KCNB2: variants seen among roughly 807,000 people sequenced by gnomAD.
The protein encoded by KCNB2 is potassium voltage-gated channel subfamily B member 2.
Under a neutral mutation model 61.5 loss-of-function variants are expected in KCNB2, and 15 were observed. The observed-to-expected ratio is 0.24, with a 90% CI of 0.16 to 0.38. KCNB2 has a LOEUF of 0.38. Ranked by LOEUF, KCNB2 falls within the 10% of genes least tolerant of loss-of-function variation. The pLI, the probability that KCNB2 is intolerant of heterozygous loss-of-function variation, is 1.00. For synonymous variants in KCNB2, 457 were observed against 446.0 expected (o/e 1.02, Z -0.31); for missense variants, 828 against 1,125.2 (o/e 0.74, Z 3.78).
Position 72,937,704 on chromosome 8 carries a change from G to A in KCNB2, c.2349G>A (p.Gly783=). Residue 783 remains glycine (G), a synonymous_variant, in exon 3 of 3, where the codon GGG becomes GGA. Coordinates refer to ENST00000523207, the MANE Select transcript of KCNB2 (RefSeq NM_004770.3). ...CGCCTTGTCAGGGACCTTCCAAAGGGCTGTCCCCCAGGTTTCCCAAGCAGA... is the reference window on the plus strand; with the variant it reads ...CGCCTTGTCAGGGACCTTCCAAAGGACTGTCCCCCAGGTTTCCCAAGCAGA... ...VSAPCQGPSK[G]LSPRFPKQKL... 1 of 1,613,998 alleles carries A rather than the reference G, an allele frequency of 6.2e-7. No individual in the cohort carries two copies.
chr8:72,552,940 G>A (rs962844261), intron 1 of KCNB2, among the ~76,000 whole-genome samples: 12 of 149,882 alleles, frequency 8.0e-5, no homozygotes, highest in Non-Finnish European at 1.0e-4. Flanking sequence ...CTTTTTTGAC[G>A]TCTAAAATGA....
chr8:72,788,710 C>A, intron 2 of KCNB2, among the ~76,000 whole-genome samples: 1 of 152,064 alleles, frequency 6.6e-6, no homozygotes, highest in East Asian at 1.9e-4. Flanking sequence ...AATTAGAGAA[C>A]CTGAACTCCA....
At chr8:72,688,003 C>T (rs16938321) in intron 2 of KCNB2, among the ~76,000 whole-genome samples, 4,114 of 152,148 alleles carry the variant, frequency 0.027, 71 homozygotes, top group South Asian at 0.074. Flanking sequence ...GACCAGAGGC[C>T]GAATCTCCTC....
chr8:72,629,784 G>A (rs1223967476), intron 2 of KCNB2, among the ~76,000 whole-genome samples: 1 of 152,194 alleles, frequency 6.6e-6, no homozygotes, highest in African/African-American at 2.4e-5. Flanking sequence ...CACTGAGCCT[G>A]TGAGAGTGAG....
At chr8:72,713,429 C>T (rs1309990100) in intron 2 of KCNB2, among the ~76,000 whole-genome samples, 1 of 152,190 alleles carries the variant, frequency 6.6e-6, no homozygotes, top group Non-Finnish European at 1.5e-5. Flanking sequence ...CCAACTGACA[C>T]CTCACACGGC....
intron 2 of KCNB2, among the ~76,000 whole-genome samples, chr8:72,846,889 C>G (rs1403345765): frequency 2.6e-5 from 4 of 152,040 alleles, no homozygotes; most frequent in Non-Finnish European, 5.9e-5. Flanking sequence ...ACCATTTGAC[C>G]CAGCCATCCC....
chr8:72,569,932 T>A (rs1206823308), intron 2 of KCNB2, among the ~76,000 whole-genome samples: 1 of 152,188 alleles, frequency 6.6e-6, no homozygotes, highest in Non-Finnish European at 1.5e-5. Flanking sequence ...GTGGTTTATT[T>A]GTTCATAATG....
At chr8:72,846,876 A>G (rs1810003817) in intron 2 of KCNB2, among the ~76,000 whole-genome samples, 1 of 152,206 alleles carries the variant, frequency 6.6e-6, no homozygotes, top group Non-Finnish European at 1.5e-5. Flanking sequence ...TAGAACTAGA[A>G]ATACCATTTG....
Position 72,756,992 on chromosome 8 carries a change from G to T in KCNB2, c.580-178943G>T, listed in dbSNP as rs191811622. On this transcript the variant is annotated intron_variant, in intron 2 of 2. Coordinates refer to ENST00000523207, the MANE Select transcript of KCNB2 (RefSeq NM_004770.3). ...GGCATTGTCAGATGCTCAGAGGAGA[G>T]TTGGGCCAGAAATATAATTTGGAAA... Among the ~76,000 whole-genome samples, 62 of 152,262 alleles carry T rather than the reference G, an allele frequency of 4.1e-4. No individual in the cohort carries two copies. The East Asian group carries it at 6.0e-3, about 15-fold the overall frequency.
intron 2 of KCNB2, among the ~76,000 whole-genome samples, chr8:72,615,479 G>T (rs1001210733): frequency 1.3e-5 from 2 of 152,116 alleles, no homozygotes; most frequent in East Asian, 3.9e-4. Context: ...TCAAGGTTTT[G>T]CCCCATAAAT....
At position 72,937,340 on chromosome 8, in the gene KCNB2, C is replaced by T. The variant is rs745697327; in HGVS notation, c.1985C>T (p.Ala662Val). Residue 662 changes from alanine to valine, a missense_variant, in exon 3 of 3, where the codon GCC (alanine) becomes GTC (valine). Ala to Val is a moderately conservative substitution (Grantham distance 64). Coordinates refer to ENST00000523207, the MANE Select transcript of KCNB2 (RefSeq NM_004770.3). The part of the protein sequence containing the change: ...LTLSREKGPA[A>V]RDGTLEYAPV... ...CTATCCAGAGAGAAAGGACCTGCTG[C>T]CAGGGATGGCACGCTGGAGTATGCC... The T allele has an allele frequency of 1.2e-6, 2 of 1,614,046 alleles. No homozygotes were observed. Among genetic ancestry groups the T allele is most frequent in the Admixed American group, 3.3e-5 (2 of 60,014 alleles).
At chr8:72,680,266 A>T (rs541543688) in intron 2 of KCNB2, among the ~76,000 whole-genome samples, 1 of 152,126 alleles carries the variant, frequency 6.6e-6, no homozygotes, top group Non-Finnish European at 1.5e-5. Flanking sequence ...AATGAAGCAG[A>T]TGGGTTAGGG....
At chr8:72,585,619 C>T (rs1348722384) in intron 2 of KCNB2, among the ~76,000 whole-genome samples, 1 of 152,202 alleles carries the variant, frequency 6.6e-6, no homozygotes, top group East Asian at 1.9e-4. Context: ...CCTCCTGCTT[C>T]AGCCTCCCAA....
intron 2 of KCNB2, among the ~76,000 whole-genome samples, chr8:72,795,558 A>G (rs538989274): frequency 6.6e-6 from 1 of 152,338 alleles, no homozygotes; most frequent in Admixed American, 6.5e-5. Flanking sequence ...CAGATGTTTC[A>G]ATGACACAGG....
chr8:72,899,512 A>G (rs534320464), intron 2 of KCNB2, among the ~76,000 whole-genome samples: 1 of 152,220 alleles, frequency 6.6e-6, no homozygotes, highest in African/African-American at 2.4e-5. Flanking sequence ...CAAAACTGAT[A>G]AATGACTTTA....
intron 2 of KCNB2, among the ~76,000 whole-genome samples, chr8:72,825,204 A>G (rs1809576807): frequency 6.6e-6 from 1 of 152,216 alleles, no homozygotes; most frequent in African/African-American, 2.4e-5. Context: ...AGTTTCATCC[A>G]TGTTGGAGTA....
chr8:72,760,369 C>A (rs1212868175), intron 2 of KCNB2, among the ~76,000 whole-genome samples: 1 of 152,128 alleles, frequency 6.6e-6, no homozygotes, highest in Non-Finnish European at 1.5e-5. Context: ...TTTCTCTTTC[C>A]CATTCATGCA....
At chr8:72,921,045 C>T (rs1420954579) in intron 2 of KCNB2, among the ~76,000 whole-genome samples, 1 of 152,054 alleles carries the variant, frequency 6.6e-6, no homozygotes, top group African/African-American at 2.4e-5. Context: ...GGTAGGCTAC[C>T]TTCTCTCTTA....
intron 2 of KCNB2, among the ~76,000 whole-genome samples, chr8:72,702,319 C>G (rs1392696248): frequency 2.0e-5 from 3 of 152,128 alleles, no homozygotes; most frequent in Non-Finnish European, 4.4e-5. Context: ...CCAGGGAACT[C>G]CCCACTGAGA....
Sources: gnomAD v4.1 joint callset for allele counts (sites outside exome capture counted in the v4.1 genomes callset) on GRCh38, gnomAD v4.1.1 for gene constraint, MANE v1.5 for transcripts, NCBI Gene and HGNC (gene_info 2026-07-23, HGNC 2026-07-21) for gene names.